Variants in CFAP74 observed in about 807,000 individuals in gnomAD.
CFAP74 encodes the protein cilia- and flagella-associated protein 74.
A neutral mutation model predicts 188.9 loss-of-function variants in CFAP74; 124 were observed. The observed-to-expected ratio is 0.66, with a 90% CI of 0.57 to 0.76. The LOEUF is 0.76. Ranked by LOEUF, CFAP74 falls within the 30% of genes least tolerant of loss-of-function variation. CFAP74 has a pLI of 0.00. For missense variants in CFAP74, 2,198 were observed against 2,165.2 expected, an observed-to-expected ratio of 1.02 and a Z score of -0.30; for synonymous variants, 956 against 916.7, an observed-to-expected ratio of 1.04 and a Z score of -0.77.
intron 10 of CFAP74, among the ~76,000 whole-genome samples, chr1:1,969,264 AGCCCT>A (rs1307381148): frequency 4.6e-5 from 2 of 43,138 alleles, no homozygotes; most frequent in South Asian, 8.8e-4. Context: ...TGCCCAACCC[AGCCCT>A]GCCCTGCCCT....
At chr1:1,941,931 A>T in intron 22 of CFAP74, 97 bp downstream of exon 22, 3 of 1,247,786 alleles carry the variant, frequency 2.4e-6, no homozygotes, top group Non-Finnish European at 3.1e-6. Context: ...TGATCCCGGC[A>T]GCAATGAGAA....
At position 1,939,649 on chromosome 1, in the gene CFAP74, C is replaced by T; in HGVS notation, c.2822G>A (p.Ser941Asn). The T allele has an allele frequency of 6.5e-7, 1 of 1,536,086 alleles. No individual in the cohort carries two copies. The highest frequency in any genetic ancestry group is 8.7e-7 in the Non-Finnish European group (1 of 1,146,876). The stretch of plus-strand genomic sequence containing the variant: ...GGGCAGGAGCGAGTGGTTGTGGAGG[C>T]TGATTTCCGTCCTGATGGCCTCATA... ...TIYEAIRTEISLHNHSLLPQE... is the reference protein window; with the variant it reads ...TIYEAIRTEINLHNHSLLPQE... Residue 941 changes from serine to asparagine, a missense_variant, in exon 24 of 39, where the codon AGC becomes AAC. Physicochemically the swap from Ser to Asn is conservative, Grantham distance 46. Coordinates refer to ENST00000682832, the MANE Select transcript of CFAP74 (RefSeq NM_001304360.2).
Position 1,928,832 on chromosome 1 carries a change from G to T in CFAP74, c.3339C>A (p.Ile1113=), listed in dbSNP as rs1249625563. ...TCAGGAGTGGGAGGGCTTCCTGGCGGATCAGCTTCTCGGGCAGCACTGGCC... is the reference window on the plus strand; with the variant it reads ...TCAGGAGTGGGAGGGCTTCCTGGCGTATCAGCTTCTCGGGCAGCACTGGCC... ...AFRPVLPEKL[I]RQEALPLLNK... is the part of the protein sequence containing the mutation. The change falls in exon 27 of 39, where the codon ATC becomes ATA. Residue 1113 remains isoleucine, a synonymous_variant. Coordinates refer to ENST00000682832, the MANE Select transcript of CFAP74 (RefSeq NM_001304360.2). The T allele has an allele frequency of 2.0e-6, 3 of 1,535,584 alleles. No homozygotes were observed. The highest frequency in any genetic ancestry group is 2.4e-5 in the South Asian group (2 of 84,064).
At chr1:1,936,600 C>T (rs2102041693) in intron 25 of CFAP74, among the ~76,000 whole-genome samples, 1 of 151,836 alleles carries the variant, frequency 6.6e-6, no homozygotes, top group African/African-American at 2.4e-5. Flanking sequence ...GAACTGGGCT[C>T]CCTTCTGAGA....
intron 1 of CFAP74, among the ~76,000 whole-genome samples, chr1:2,002,951 A>G (rs973237165): frequency 3.0e-4 from 46 of 151,730 alleles, no homozygotes; most frequent in Non-Finnish European, 5.3e-4. Flanking sequence ...TAAAGTTTAT[A>G]TAAAGTTTAA....
At position 1,926,245 on chromosome 1, in the gene CFAP74, G is replaced by T. The variant is rs1651880410; in HGVS notation, c.3931C>A (p.Pro1311Thr). 2 of 1,521,010 alleles carry T rather than the reference G, an allele frequency of 1.3e-6. No individual in the cohort carries two copies. The highest frequency in any genetic ancestry group is 1.8e-6 in the Non-Finnish European group (2 of 1,131,346). The allele number at this position is 1,521,010 out of a possible 1,614,324, so 94.2% of individuals were successfully genotyped here. A position where few individuals can be genotyped will look rare whatever the true frequency, so the allele number is the denominator to read the frequency against. Residue 1311 changes from proline (P) to threonine (T), a missense_variant, in exon 32 of 39, where the codon CCC becomes ACC. Transcript: ENST00000682832. ...GGACTCACCAGGATGCTCTCGTGGGGAGAGAAGGAAAGCACCAGGACCTGG... is the reference window on the plus strand; with the variant it reads ...GGACTCACCAGGATGCTCTCGTGGGTAGAGAAGGAAAGCACCAGGACCTGG... ...GTQVLVLSFSPHESILAQETL... is the reference protein window; with the variant it reads ...GTQVLVLSFSTHESILAQETL...
At chr1:1,995,571 T>C (rs1441230684) in intron 1 of CFAP74, among the ~76,000 whole-genome samples, 1 of 151,112 alleles carries the variant, frequency 6.6e-6, no homozygotes, top group African/African-American at 2.4e-5. Flanking sequence ...AAAATATAGA[T>C]TAAATAAGCA....
At position 1,945,602 on chromosome 1, in the gene CFAP74, C is replaced by T. The variant is rs112539975; in HGVS notation, c.2364+715G>A. On this transcript the variant is annotated intron_variant, in intron 20 of 38. Coordinates refer to ENST00000682832, the MANE Select transcript of CFAP74 (RefSeq NM_001304360.2). ...CAGCACTTTGGGAGGCCGAGGCGGG[C>T]GGATCACTTGAGGTCAGGAGTTCGA... Among the ~76,000 whole-genome samples the T allele has an allele frequency of 9.2e-3, 1,395 of 151,930 alleles. 14 individuals are homozygous for T. The highest frequency in any genetic ancestry group is 9.2e-3 in the Non-Finnish European group (623 of 67,916).
intron 2 of CFAP74, among the ~76,000 whole-genome samples, chr1:1,989,190 T>C (rs1214954006): frequency 2.0e-5 from 3 of 151,974 alleles, no homozygotes; most frequent in Non-Finnish European, 4.4e-5. Context: ...GGGACATCCG[T>C]CTTTGCAGAC....
chr1:1,922,720 C>G lies in CFAP74; in HGVS notation c.4687G>C (p.Val1563Leu), dbSNP rs578019725. The G allele has an allele frequency of 3.1e-6, 5 of 1,601,956 alleles. No homozygotes were observed. Among genetic ancestry groups the G allele is most frequent in the Admixed American group, 3.4e-5 (2 of 59,542 alleles). The change falls in exon 38 of 39, where the codon GTT (valine) becomes CTT (leucine). Residue 1563 changes from valine (V) to leucine (L), a missense_variant. Coordinates refer to ENST00000682832, the MANE Select transcript of CFAP74 (RefSeq NM_001304360.2). ...RTTQPSPKKT[V>L]EFSIDSVASL... The stretch of plus-strand genomic sequence containing the variant: ...GCGACGCTGTCTATGCTGAACTCAA[C>G]GGTCTGTGGGGTATGGGGCTCCTGT...
rs762722944 is a variant in CFAP74, at chr1:1,926,665, G to C, written c.3759C>G (p.Gly1253=). The C allele has an allele frequency of 1.3e-6, 2 of 1,549,832 alleles. No individual in the cohort carries two copies. Among genetic ancestry groups the C allele is most frequent in the African/African-American group, 2.7e-5 (2 of 73,024 alleles). Residue 1253 remains glycine, a synonymous_variant, in exon 30 of 39, where the codon GGC becomes GGG. Coordinates refer to ENST00000682832, the MANE Select transcript of CFAP74 (RefSeq NM_001304360.2). ...TTAGCGTCTCACCCACAGCGACGTC[G>C]CCGAAGTTAAAGATGGTCTTGCCTT... The part of the protein sequence containing the change: ...SHKGKTIFNF[G]DVAVGHRSIK...
chr1:1,950,297 G>C (rs1340934575), intron 18 of CFAP74, among the ~76,000 whole-genome samples: 2 of 150,226 alleles, frequency 1.3e-5, no homozygotes, highest in African/African-American at 2.4e-5. Context: ...ATCCACGTAC[G>C]TATCTTCTCT....
At chr1:1,938,231 A>T (rs1361928434) in intron 25 of CFAP74, among the ~76,000 whole-genome samples, 7 of 149,738 alleles carry the variant, frequency 4.7e-5, no homozygotes, top group African/African-American at 1.7e-4. Context: ...TCACAGTCAC[A>T]TGCTCACACA....
At chr1:1,940,537 A>T (rs942329710) in intron 22 of CFAP74, 134 bp from the exon 23 acceptor site, 5 of 651,542 alleles carry the variant, frequency 7.7e-6, no homozygotes, top group Non-Finnish European at 1.3e-5. Context: ...TGGGAGACGC[A>T]TCGCGCCGCC....
chr1:1,938,078 C>A (rs1342435762), intron 25 of CFAP74, among the ~76,000 whole-genome samples: 1 of 148,852 alleles, frequency 6.7e-6, no homozygotes, highest in Non-Finnish European at 1.5e-5. Context: ...ACCCAACACA[C>A]ACGCACTCAC....
Position 1,927,024 on chromosome 1 carries a change from CG to C in CFAP74, c.3531del (p.Asp1178ThrfsTer22). 1.3e-6 allele frequency: 2 copies of C among 1,550,206 alleles called. No homozygotes were observed. The highest frequency in any genetic ancestry group is 1.7e-6 in the Non-Finnish European group (2 of 1,146,860). Reference protein sequence around the residue: ...EMRKRELRPSSDEYQAARATL... With the variant: ...EMRKRELRPSXDEYQAARATL... ...GTGGCTCGGGCGGCCTGGTACTCGT[CG>C]GAACTAGAAGGAAGTCAGAGGCTTG... On this transcript the variant is annotated frameshift_variant, in exon 29 of 39. Transcript: ENST00000682832. LOFTEE classifies it high-confidence loss of function.
rs1173388150 is a variant in CFAP74, at chr1:1,966,538, G to C, written c.1246-12C>G. The C allele has an allele frequency of 2.6e-6, 4 of 1,524,540 alleles. No individual in the cohort carries two copies. The highest frequency in any genetic ancestry group is 2.6e-6 in the Non-Finnish European group (3 of 1,132,444). 94.4% of individuals were successfully genotyped at this position (1,524,540 alleles called of 1,614,324 possible). On this transcript the variant is annotated splice_polypyrimidine_tract_variant and intron_variant, in intron 11 of 38. Transcript: ENST00000682832. ...GCAGCCTCGTAGTCCTGCAGTCGGGGAGAGGAACATCGCAAAGACACGCTC... is the reference window on the plus strand; with the variant it reads ...GCAGCCTCGTAGTCCTGCAGTCGGGCAGAGGAACATCGCAAAGACACGCTC...
At chr1:1,954,642 G>C (rs1379158552) in intron 18 of CFAP74, 4 of 195,828 alleles carry the variant, frequency 2.0e-5, no homozygotes, top group Non-Finnish European at 3.8e-5. Context: ...AAACTAGCCA[G>C]GTGCGGTGGT....
intron 1 of CFAP74, among the ~76,000 whole-genome samples, chr1:1,997,010 C>G (rs1297119317): frequency 1.3e-5 from 2 of 151,250 alleles, no homozygotes; most frequent in African/African-American, 4.9e-5. Context: ...ATTACCACAG[C>G]AAACGTCACA....
Sources: gnomAD v4.1 joint callset for allele counts (sites outside exome capture counted in the v4.1 genomes callset) on GRCh38, gnomAD v4.1.1 for gene constraint, MANE v1.5 for transcripts, NCBI Gene and HGNC (gene_info 2026-07-23, HGNC 2026-07-21) for gene names.